The following ZNF479 variants were observed in gnomAD, a reference collection of about 807,000 sequenced individuals.
ZNF479 encodes the protein KRAB zinc finger protein KR19.
A neutral mutation model predicts 14.7 loss-of-function variants in ZNF479; 15 were observed. That is an observed-to-expected ratio of 1.02 (90% CI 0.68 to 1.57). The LOEUF (loss-of-function observed/expected upper bound fraction) is 1.57. Ranked by LOEUF, ZNF479 falls within the 40% of genes most tolerant of loss-of-function variation. The pLI, the probability that ZNF479 is intolerant of heterozygous loss-of-function variation, is 0.00. For synonymous variants in ZNF479, 145 were observed against 211.5 expected, an observed-to-expected ratio of 0.69 and a Z score of 2.73; for missense variants, 506 against 615.1, an observed-to-expected ratio of 0.82 and a Z score of 1.88.
At position 57,118,709 on chromosome 7, in the gene ZNF479, T is replaced by C. The variant is rs1404657426; in HGVS notation, c.*1131A>G. 5.3e-5 allele frequency among the ~76,000 whole-genome samples: 8 copies of C among 150,624 alleles called. No individual in the cohort carries two copies. Among genetic ancestry groups the C allele is most frequent in the African/African-American group, 2.0e-4 (8 of 39,942 alleles). On this transcript the variant is annotated 3_prime_UTR_variant, in exon 4 of 4. Coordinates refer to ENST00000319636, the MANE Select transcript of ZNF479 (RefSeq NM_001370129.2). ...TAAGTATAAACTTTCTGATATTGAG[T>C]AAGATGTGACCTGATATTAATGGTT...
At position 57,120,333 on chromosome 7, in the gene ZNF479, G is replaced by C; in HGVS notation, c.1082C>G (p.Ala361Gly). Residue 361 changes from alanine to glycine, a missense_variant, in exon 4 of 4, where the codon GCC becomes GGC. Ala to Gly is a moderately conservative substitution (Grantham distance 60). Around this residue, in one of 3 missense-constraint regions of ZNF479, gnomAD observed 420 missense variants for 474.2 expected, o/e 0.89. Transcript: ENST00000319636. ...KPYACEECGQ[A>G]FSLSSNLMRH... is the part of the protein sequence containing the mutation. ...CATAAGGTTCGAGGATAAGCTAAAGGCTTGGCCACATTCTTCACAGGCATA... is the reference window on the plus strand; with the variant it reads ...CATAAGGTTCGAGGATAAGCTAAAGCCTTGGCCACATTCTTCACAGGCATA... 1 of 1,610,024 alleles carries C rather than the reference G, an allele frequency of 6.2e-7. No individual in the cohort carries two copies.
intron 3 of ZNF479, among the ~76,000 whole-genome samples, chr7:57,122,258 G>A (rs1169921394): frequency 6.6e-6 from 1 of 151,180 alleles, no homozygotes; most frequent in Non-Finnish European, 1.5e-5. Flanking sequence ...GTCAAAGGCT[G>A]AAAAAAATTT....
At chr7:57,121,824 T>C (rs1310320318) in intron 3 of ZNF479, among the ~76,000 whole-genome samples, 2 of 152,032 alleles carry the variant, frequency 1.3e-5, no homozygotes, top group East Asian at 3.9e-4. Context: ...AAATCAAAAA[T>C]TTTGAAAAAG....
At position 57,120,790 on chromosome 7, in the gene ZNF479, T is replaced by G. The variant is rs569312589; in HGVS notation, c.625A>C (p.Arg209=). 1 of 1,612,228 alleles carries G rather than the reference T, an allele frequency of 6.2e-7. No individual in the cohort carries two copies. Among genetic ancestry groups the G allele is most frequent in the South Asian group, 1.1e-5 (1 of 90,910 alleles). The change falls in exon 4 of 4, where the codon AGG becomes CGG. Residue 209 remains arginine, a synonymous_variant. Transcript: ENST00000319636. ...TCTTTGCATTTGTAGGACTTCTCCCTAGTATGAATTACCTGATGTTGATTT... is the reference window on the plus strand; with the variant it reads ...TCTTTGCATTTGTAGGACTTCTCCCGAGTATGAATTACCTGATGTTGATTT... The part of the protein sequence containing the change: ...HLNQHQVIHT[R]EKSYKCKECG...
rs1292218378 is a variant in ZNF479 at position 57,120,135 on chromosome 7, T to C, written c.1280A>G (p.His427Arg). The C allele has an allele frequency of 3.1e-6, 5 of 1,613,226 alleles. No individual in the cohort carries two copies. Among genetic ancestry groups the C allele is most frequent in the Admixed American group, 3.3e-5 (2 of 59,872 alleles). Reference sequence around the variant, plus strand: ...TCTCTCTCCAGTATGAATTCTCTTGTGGTCAGTGAGGGTTGAGGATAAGCT... The same window carrying C: ...TCTCTCTCCAGTATGAATTCTCTTGCGGTCAGTGAGGGTTGAGGATAAGCT... ...VFSLSSTLTD[H>R]KRIHTGERPY... The change falls in exon 4 of 4, where the codon CAC becomes CGC. Residue 427 changes from histidine (H) to arginine (R), a missense_variant. Coordinates refer to ENST00000319636, the MANE Select transcript of ZNF479 (RefSeq NM_001370129.2).
At chr7:57,124,759 T>C (rs1786084229) in intron 3 of ZNF479, among the ~76,000 whole-genome samples, 2 of 152,202 alleles carry the variant, frequency 1.3e-5, no homozygotes, top group Admixed American at 6.5e-5. Context: ...TAGACAACGA[T>C]AATTGAATTA....
upstream of ZNF479, among the ~76,000 whole-genome samples, chr7:57,136,288 C>T (rs952136870): frequency 6.6e-6 from 1 of 151,888 alleles, no homozygotes; most frequent in East Asian, 1.9e-4. Flanking sequence ...GAGGCTGAGG[C>T]AGGGAGAATT....
chr7:57,137,780 C>A (rs1786712845), intron 1 of ZNF479, among the ~76,000 whole-genome samples: 1 of 152,180 alleles, frequency 6.6e-6, no homozygotes, highest in Non-Finnish European at 1.5e-5. Flanking sequence ...GGGCTCTGCC[C>A]TCCCAGGGTA....
At chr7:57,123,846 A>G (rs1263476232) in intron 3 of ZNF479, among the ~76,000 whole-genome samples, 1 of 152,086 alleles carries the variant, frequency 6.6e-6, no homozygotes, top group Admixed American at 6.6e-5. Flanking sequence ...AAAAAAAAAT[A>G]AGAAGAGCAA....
intron 1 of ZNF479, among the ~76,000 whole-genome samples, chr7:57,137,886 C>T (rs1373660477): frequency 1.3e-5 from 2 of 152,130 alleles, no homozygotes; most frequent in Non-Finnish European, 2.9e-5. Flanking sequence ...TCTTTAGGAC[C>T]ATCACCTATG....
At position 57,125,222 on chromosome 7, in the gene ZNF479, A is replaced by G. The variant is rs1350897285; in HGVS notation, c.262+796T>C. Among the ~76,000 whole-genome samples the G allele has an allele frequency of 2.0e-5, 3 of 152,332 alleles. No individual in the cohort carries two copies. The East Asian group carries it at 5.8e-4, about 29-fold the overall frequency. On this transcript the variant is annotated intron_variant, in intron 3 of 3. Transcript: ENST00000319636. Reference sequence around the variant, plus strand: ...ATACAAAACAAAATCACCTTACATCAATTAGGATGGCCACTATAAATTTTT... The same window carrying G: ...ATACAAAACAAAATCACCTTACATCGATTAGGATGGCCACTATAAATTTTT...
At chr7:57,133,179 G>A (rs1013967834), upstream of ZNF479, among the ~76,000 whole-genome samples, 2 of 152,140 alleles carry the variant, frequency 1.3e-5, no homozygotes, top group African/African-American at 4.8e-5. Context: ...CAGGGACCGG[G>A]CAGGAGGTGA....
intron 2 of ZNF479, 121 bp downstream of exon 2, chr7:57,126,471 C>A (rs1314397696): frequency 6.3e-6 from 6 of 948,966 alleles, no homozygotes; most frequent in African/African-American, 1.6e-5. Flanking sequence ...AGCAATGAAT[C>A]CCCAAGATTT....
Position 57,126,105 on chromosome 7 carries a change from C to G in ZNF479, c.175G>C (p.Val59Leu). The G allele has an allele frequency of 6.3e-7, 1 of 1,593,488 alleles. No homozygotes were observed. Among genetic ancestry groups the G allele is most frequent in the Non-Finnish European group, 8.5e-7 (1 of 1,177,754 alleles). ...YRNLVSLGIA[V>L]SKPDLITCLE... ...CAGGTGATCAAGTCTGGCTTAGAGA[C>G]AGCAATACCTGTTTTATTAAGAAAA... is the stretch of plus-strand genomic sequence containing the variant. Residue 59 changes from valine (V) to leucine (L), a missense_variant, in exon 3 of 4, where the codon GTC (valine) becomes CTC (leucine). This residue lies in a region of ZNF479 where 420 missense variants were observed against 474.2 expected (regional missense o/e 0.89). Transcript: ENST00000319636.
chr7:57,123,613 CA>C (rs1449982216), intron 3 of ZNF479, among the ~76,000 whole-genome samples: 1 of 152,088 alleles, frequency 6.6e-6, no homozygotes, highest in Admixed American at 6.6e-5. Context: ...GTGGAAGAAT[CA>C]CTTGGGGCAA....
chr7:57,126,859 C>A, intron 1 of ZNF479, 141 bp from the exon 2 acceptor site: 1 of 681,202 alleles, frequency 1.5e-6, no homozygotes, highest in Non-Finnish European at 2.5e-6. Flanking sequence ...TAAAATTATT[C>A]AATAAGATAA....
At chr7:57,122,426 T>C (rs1440070730) in intron 3 of ZNF479, among the ~76,000 whole-genome samples, 7 of 151,688 alleles carry the variant, frequency 4.6e-5, no homozygotes, top group African/African-American at 1.7e-4. Flanking sequence ...ATGAAAAATA[T>C]ATGTAATCAT....
At chr7:57,132,062 G>A (rs1221039579) in intron 1 of ZNF479, among the ~76,000 whole-genome samples, 2 of 152,128 alleles carry the variant, frequency 1.3e-5, no homozygotes, top group Non-Finnish European at 2.9e-5. Context: ...CCAGTCCAGG[G>A]TAAAGCCACT....
At position 57,119,606 on chromosome 7, in the gene ZNF479, C is replaced by A. The variant is rs541578005; in HGVS notation, c.*234G>T. 8.4e-6 allele frequency: 4 copies of A among 478,938 alleles called. No individual in the cohort carries two copies. Among genetic ancestry groups the A allele is most frequent in the Non-Finnish European group, 1.5e-5 (4 of 264,232 alleles). The allele number at this position is 478,938 out of a possible 1,614,324, so 29.7% of individuals were successfully genotyped here. The stretch of plus-strand genomic sequence containing the variant: ...TGGGTGACACAGGGAGACTCCAACT[C>A]AAAAAAATTTTTTTAAAATAAATTC... On this transcript the variant is annotated 3_prime_UTR_variant, in exon 4 of 4. Transcript: ENST00000319636.
Sources: allele counts gnomAD v4.1 joint callset (sites outside exome capture counted in the v4.1 genomes callset), GRCh38; gene constraint gnomAD v4.1.1; regional missense constraint gnomAD v4.1.1; transcripts MANE v1.5; gene names NCBI Gene and HGNC (gene_info 2026-07-23, HGNC 2026-07-21).